EPHA5: variants seen among roughly 807,000 people sequenced by gnomAD.
EPHA5 encodes EPH receptor A5.
Under a neutral mutation model 105.0 loss-of-function variants are expected in EPHA5, and 60 were observed. The ratio of observed to expected loss-of-function variants is 0.57; its 90% CI spans 0.46 to 0.71. The LOEUF (loss-of-function observed/expected upper bound fraction) is 0.71, where lower values mean the gene tolerates loss of function less well. Among genes scored for constraint, EPHA5 ranks in the 30% least tolerant of loss-of-function variants. The pLI is 0.00. For synonymous variants in EPHA5, 513 were observed against 449.1 expected, an observed-to-expected ratio of 1.14 and a Z score of -1.80; for missense variants, 1,218 against 1,274.7, an observed-to-expected ratio of 0.96 and a Z score of 0.68.
chr4:65,570,691 G>T (rs1740042311), intron 3 of EPHA5, among the ~76,000 whole-genome samples: 1 of 151,674 alleles, frequency 6.6e-6, no homozygotes, highest in African/African-American at 2.4e-5. Context: ...CTCTATACTT[G>T]TCCATCTCTG....
intron 5 of EPHA5, among the ~76,000 whole-genome samples, chr4:65,467,475 T>TAATGAC (rs1728832116): frequency 1.3e-5 from 2 of 152,210 alleles, no homozygotes; most frequent in African/African-American, 4.8e-5. Context: ...GTAGTGCATG[T>TAATGAC]AATGACATGC....
At chr4:65,524,220 A>G (rs976978658) in intron 3 of EPHA5, among the ~76,000 whole-genome samples, 3 of 151,830 alleles carry the variant, frequency 2.0e-5, no homozygotes, top group African/African-American at 7.2e-5. Flanking sequence ...TTTAAAAGGT[A>G]TACTGTTTCA....
rs765103637 is a variant in EPHA5, at chr4:65,332,042, C to T, written c.2876G>A (p.Gly959Asp). The T allele has an allele frequency of 1.5e-5, 24 of 1,611,786 alleles. No individual in the cohort carries two copies. Among genetic ancestry groups the T allele is most frequent in the Non-Finnish European group, 2.0e-5 (23 of 1,178,670 alleles). The change falls in exon 16 of 17, where the codon GGC becomes GAC. Residue 959 changes from glycine (G) to aspartate (D), a missense_variant. Physicochemically the swap from Gly to Asp is moderately conservative, Grantham distance 94 (BLOSUM62 -1). Around this residue, in one of 3 missense-constraint regions of EPHA5, gnomAD observed 971 missense variants for 1,013.5 expected, o/e 0.96. Coordinates refer to ENST00000613740, the MANE Select transcript of EPHA5 (RefSeq NM_001281766.3). ...TTCCATGAAAATCTCTGTATACCGG[C>T]CCATCTTGATTGCCTCTAGCCATTC... ...VGEWLEAIKM[G>D]RYTEIFMENG... is the part of the protein sequence containing the mutation.
At chr4:65,639,989 C>T (rs1027386238) in intron 2 of EPHA5, among the ~76,000 whole-genome samples, 2 of 152,092 alleles carry the variant, frequency 1.3e-5, no homozygotes, top group Non-Finnish European at 2.9e-5. Flanking sequence ...TCTTTTAGTT[C>T]TTTACACATA....
At chr4:65,377,730 C>A (rs1041321893) in intron 8 of EPHA5, among the ~76,000 whole-genome samples, 11 of 151,916 alleles carry the variant, frequency 7.2e-5, no homozygotes, top group Non-Finnish European at 1.5e-4. Context: ...ACTCAAGATT[C>A]TTTTAATTTG....
intron 2 of EPHA5, among the ~76,000 whole-genome samples, chr4:65,633,090 A>G (rs1184586231): frequency 6.6e-6 from 1 of 152,042 alleles, no homozygotes; most frequent in Non-Finnish European, 1.5e-5. Flanking sequence ...CATTTTCTCC[A>G]TTAGTGCAAG....
chr4:65,361,329 ATCTC>A lies in EPHA5; in HGVS notation c.2173+3684_2173+3687del, dbSNP rs1717294262. Among the ~76,000 whole-genome samples, 3 of 151,794 alleles carry A rather than the reference ATCTC, an allele frequency of 2.0e-5. No homozygotes were observed. In the South Asian group the frequency reaches 6.2e-4, roughly 32 times the overall value. On this transcript the variant is annotated intron_variant, in intron 11 of 16. Coordinates refer to ENST00000613740, the MANE Select transcript of EPHA5 (RefSeq NM_001281766.3). ...AGGACATTTTAGGTCTGAGTGAAGTATCTCAAGGGGGCAGGGCAAGAATAAGGTA... is the reference window on the plus strand; with the variant it reads ...AGGACATTTTAGGTCTGAGTGAAGTAAAGGGGGCAGGGCAAGAATAAGGTA...
chr4:65,337,748 T>TA (rs1721322259), intron 14 of EPHA5, among the ~76,000 whole-genome samples: 1 of 152,034 alleles, frequency 6.6e-6, no homozygotes, highest in Non-Finnish European at 1.5e-5. Context: ...GCTGGACTGA[T>TA]AATATAAAGG....
In EPHA5 at chr4:65,369,882, G is replaced by A. The variant is rs937783417; in HGVS notation, c.1794-2458C>T. Among the ~76,000 whole-genome samples, 24 of 152,084 alleles carry A rather than the reference G, an allele frequency of 1.6e-4. No homozygotes were observed. In the East Asian group the frequency reaches 3.7e-3, roughly 23 times the overall value. ...CTTGGGAGGCTGAGGCAGAAGAATC[G>A]CTTGAATCCAGGAGCCGGAGGTTGC... On this transcript the variant is annotated intron_variant, in intron 8 of 16. Transcript: ENST00000613740.
At chr4:65,476,123 A>AGTGTGT (rs1457344941) in intron 5 of EPHA5, among the ~76,000 whole-genome samples, 68 of 130,140 alleles carry the variant, frequency 5.2e-4, no homozygotes, top group African/African-American at 1.4e-3. Flanking sequence ...AGAGAGAGAG[A>AGTGTGT]GAGAGTGTGT....
At chr4:65,424,641 T>C (rs1724250876) in intron 5 of EPHA5, among the ~76,000 whole-genome samples, 1 of 152,062 alleles carries the variant, frequency 6.6e-6, no homozygotes, top group Non-Finnish European at 1.5e-5. Flanking sequence ...TTATCCTTTA[T>C]CAGTCAAAAT....
rs146663945 is a variant in EPHA5 at position 65,429,905 on chromosome 4, T to C, written c.1403-9340A>G. ...GAGTAGTGTTTATCAGCAGCTCTCA[T>C]AAACATCCCAATCACAATATCTTTA... On this transcript the variant is annotated intron_variant, in intron 5 of 16. Coordinates refer to ENST00000613740, the MANE Select transcript of EPHA5 (RefSeq NM_001281766.3). Among the ~76,000 whole-genome samples, 7 of 152,118 alleles carry C rather than the reference T, an allele frequency of 4.6e-5. No homozygotes were observed. In the East Asian group the frequency reaches 1.2e-3, roughly 25 times the overall value.
At chr4:65,528,762 A>T (rs1215478407) in intron 3 of EPHA5, among the ~76,000 whole-genome samples, 1 of 152,182 alleles carries the variant, frequency 6.6e-6, no homozygotes, top group Non-Finnish European at 1.5e-5. Flanking sequence ...TGAAGCGGAC[A>T]GCAAGAGGAG....
chr4:65,362,165 G>T (rs148842668), intron 11 of EPHA5, among the ~76,000 whole-genome samples: 106 of 151,606 alleles, frequency 7.0e-4, no homozygotes, highest in African/African-American at 2.5e-3. Flanking sequence ...TTGAATGGGG[G>T]CTCAAGCTTC....
At chr4:65,585,493 G>A (rs1742031709) in intron 3 of EPHA5, among the ~76,000 whole-genome samples, 1 of 151,758 alleles carries the variant, frequency 6.6e-6, no homozygotes, top group African/African-American at 2.4e-5. Context: ...GACCTTAAGA[G>A]CTAAAGTAGT....
chr4:65,566,789 C>A (rs769950491), intron 3 of EPHA5, among the ~76,000 whole-genome samples: 15 of 151,580 alleles, frequency 9.9e-5, no homozygotes, highest in Non-Finnish European at 2.2e-4. Flanking sequence ...TTTTTTTCTC[C>A]CCCAAACTGT....
chr4:65,507,623 G>A (rs1306675386), intron 3 of EPHA5, among the ~76,000 whole-genome samples: 1 of 152,012 alleles, frequency 6.6e-6, no homozygotes, highest in Non-Finnish European at 1.5e-5. Context: ...TATTATCCTT[G>A]AAGCAATTGT....
intron 3 of EPHA5, among the ~76,000 whole-genome samples, chr4:65,576,132 AAAG>A (rs1199068992): frequency 6.8e-6 from 1 of 148,130 alleles, no homozygotes; most frequent in East Asian, 2.0e-4. Flanking sequence ...AAAGAAAAGA[AAAG>A]AAAGAAAGAA....
chr4:65,551,046 A>G (rs1737847253), intron 3 of EPHA5, among the ~76,000 whole-genome samples: 1 of 151,964 alleles, frequency 6.6e-6, no homozygotes, highest in Non-Finnish European at 1.5e-5. Flanking sequence ...TTACACATAT[A>G]TGTGTAGTTA....
Sources: gnomAD v4.1 joint callset for allele counts (sites outside exome capture counted in the v4.1 genomes callset) on GRCh38, gnomAD v4.1.1 for gene constraint, gnomAD v4.1.1 regional missense constraint, MANE v1.5 for transcripts, NCBI Gene and HGNC (gene_info 2026-07-23, HGNC 2026-07-21) for gene names.